The following RALGPS1 variants were observed in gnomAD, a reference collection of about 807,000 sequenced individuals.
The protein encoded by RALGPS1 is ras-specific guanine nucleotide-releasing factor RalGPS1.
A neutral mutation model predicts 78.8 loss-of-function variants in RALGPS1; 19 were observed. That is an observed-to-expected ratio of 0.24 (90% CI 0.17 to 0.35). The LOEUF (loss-of-function observed/expected upper bound fraction) is 0.35, where lower values mean the gene tolerates loss of function less well. RALGPS1 is among the 10% of genes least tolerant of loss of function. RALGPS1 has a pLI of 1.00. For missense variants in RALGPS1, 454 were observed against 688.3 expected (o/e 0.66, Z 3.81); for synonymous variants, 228 against 256.3 (o/e 0.89, Z 1.06).
chr9:127,134,303 C>T (rs928962854), intron 8 of RALGPS1, among the ~76,000 whole-genome samples: 1 of 152,148 alleles, frequency 6.6e-6, no homozygotes. Context: ...AGGACATCAC[C>T]CATTCCACAA....
intron 8 of RALGPS1, among the ~76,000 whole-genome samples, chr9:127,120,712 C>T (rs886994791): frequency 9.2e-5 from 14 of 151,964 alleles, no homozygotes; most frequent in African/African-American, 3.4e-4. Context: ...CCTGTAGCCC[C>T]AGCTACTCGG....
intron 8 of RALGPS1, among the ~76,000 whole-genome samples, chr9:127,080,195 T>C (rs2051047687): frequency 6.6e-6 from 1 of 152,334 alleles, no homozygotes; most frequent in Middle Eastern, 3.4e-3. Context: ...TTAGGAAGCC[T>C]GTTGTTCCCT....
At chr9:126,926,131 G>A (rs1392068668) in intron 1 of RALGPS1, among the ~76,000 whole-genome samples, 1 of 152,166 alleles carries the variant, frequency 6.6e-6, no homozygotes, top group African/African-American at 2.4e-5. Flanking sequence ...ATAGCAGTTG[G>A]CCTTATTTTT....
chr9:127,183,788 G>A lies in RALGPS1; in HGVS notation c.910+9006G>A. On this transcript the variant is annotated intron_variant, in intron 11 of 18. Coordinates refer to ENST00000259351, the MANE Select transcript of RALGPS1 (RefSeq NM_014636.3). The surrounding 1 kb of genome is among the most constrained non-coding windows in gnomAD (Gnocchi z 4.0). ...TTTTCGGAATGGATGGGTGGGAGGG[G>A]CCCTCCATGAGGACCTCAGGGATAG... is the stretch of plus-strand genomic sequence containing the variant. 8.0e-7 allele frequency: 1 copy of A among 1,248,648 alleles called. No individual in the cohort carries two copies. The highest frequency in any genetic ancestry group is 2.6e-5 in the East Asian group (1 of 39,206). The allele number at this position is 1,248,648 out of a possible 1,614,324, so 77.3% of individuals were successfully genotyped here. A position where few individuals can be genotyped will look rare whatever the true frequency, so the allele number is the denominator to read the frequency against.
At chr9:126,927,374 A>G (rs1026791031) in intron 1 of RALGPS1, among the ~76,000 whole-genome samples, 4 of 152,134 alleles carry the variant, frequency 2.6e-5, no homozygotes, top group Admixed American at 2.0e-4. Flanking sequence ...AGGAAGAAAG[A>G]CAGGAAGAAC....
At chr9:127,204,866 G>C (rs1428927697) in intron 14 of RALGPS1, among the ~76,000 whole-genome samples, 1 of 152,218 alleles carries the variant, frequency 6.6e-6, no homozygotes, top group African/African-American at 2.4e-5. Flanking sequence ...GAGAAGATCA[G>C]AGGACCCTGG....
intron 5 of RALGPS1, among the ~76,000 whole-genome samples, chr9:127,042,101 CTTG>C (rs1040367054): frequency 7.9e-5 from 12 of 152,080 alleles, no homozygotes; most frequent in African/African-American, 2.4e-4. Context: ...CTGGATTTTT[CTTG>C]TTGTTTTTCT....
intron 4 of RALGPS1, among the ~76,000 whole-genome samples, chr9:127,009,875 C>A (rs2044189033): frequency 6.6e-6 from 1 of 152,192 alleles, no homozygotes; most frequent in Non-Finnish European, 1.5e-5. Context: ...TAACTGCTAA[C>A]TTCCCTGGAG....
At chr9:127,073,774 A>G (rs1286686614) in intron 8 of RALGPS1, among the ~76,000 whole-genome samples, 1 of 152,090 alleles carries the variant, frequency 6.6e-6, no homozygotes, top group Non-Finnish European at 1.5e-5. Context: ...TGTCTTTTTA[A>G]TAATAACCAT....
rs1360258503 is a variant in RALGPS1 at position 126,962,355 on chromosome 9, G to A, written c.57+9G>A. The stretch of plus-strand genomic sequence containing the variant: ...CCTCTGCCACTCCACAGGTACTGAG[G>A]CTGCAAGAATCGGGACAGTGGGTAG... On this transcript the variant is annotated intron_variant, in intron 2 of 18. Coordinates refer to ENST00000259351, the MANE Select transcript of RALGPS1 (RefSeq NM_014636.3). 1.1e-5 allele frequency: 17 copies of A among 1,613,886 alleles called. 1 individual carries two copies. The highest frequency in any genetic ancestry group is 1.4e-5 in the Non-Finnish European group (17 of 1,179,918).
chr9:127,165,965 T>C, intron 8 of RALGPS1, 104 bp from the exon 9 acceptor site: 1 of 1,414,664 alleles, frequency 7.1e-7, no homozygotes, highest in Non-Finnish European at 9.2e-7. Context: ...CAGTTTTCCA[T>C]AAGTCACCCT....
intron 8 of RALGPS1, among the ~76,000 whole-genome samples, chr9:127,130,696 G>C (rs1728469398): frequency 6.6e-6 from 1 of 152,186 alleles, no homozygotes; most frequent in African/African-American, 2.4e-5. Flanking sequence ...ATTGATCCTT[G>C]CAACAACCTT....
intron 8 of RALGPS1, among the ~76,000 whole-genome samples, chr9:127,081,229 AT>A (rs75315707): frequency 1.3e-5 from 2 of 151,718 alleles, no homozygotes; most frequent in African/African-American, 2.4e-5. Context: ...ACAAAATGGC[AT>A]TTTTTTTTAA....
intron 5 of RALGPS1, 53 bp downstream of exon 5, chr9:127,034,567 C>T: frequency 1.3e-6 from 2 of 1,526,282 alleles, no homozygotes; most frequent in Non-Finnish European, 1.8e-6. Context: ...GCTGCTGTCC[C>T]CTGTAGGCTG....
In RALGPS1 at chr9:126,932,454, C is replaced by T. The variant is rs74540391; in HGVS notation, c.-66+17479C>T. The stretch of plus-strand genomic sequence containing the variant: ...GTGTACCAGAAGGCATGCTCAGTCA[C>T]GCTTCTAGCAGCTCCATCTGTAATA... On this transcript the variant is annotated intron_variant, in intron 1 of 18. Transcript: ENST00000259351. Among the ~76,000 whole-genome samples, 50 of 152,270 alleles carry T rather than the reference C, an allele frequency of 3.3e-4. No individual in the cohort carries two copies. The East Asian group carries it at 6.2e-3, about 19-fold the overall frequency.
rs539240094 is a variant in RALGPS1 at position 126,935,636 on chromosome 9, A to G, written c.-66+20661A>G. Among the ~76,000 whole-genome samples the G allele has an allele frequency of 3.4e-4, 51 of 152,132 alleles. 1 individual carries two copies. The South Asian group carries it at 9.7e-3, about 29-fold the overall frequency. ...TAACAACACTATAAGTAACTCATAT[A>G]GTACTTAGAAGAAGCACGTTTCCAA... On this transcript the variant is annotated intron_variant, in intron 1 of 18. Transcript: ENST00000259351.
At chr9:127,070,412 C>T (rs1263864015) in intron 8 of RALGPS1, among the ~76,000 whole-genome samples, 2 of 152,202 alleles carry the variant, frequency 1.3e-5, no homozygotes, top group South Asian at 2.1e-4. Context: ...ATGATTATTA[C>T]CTTGTGATAA....
chr9:127,150,593 A>G (rs1014683847), intron 8 of RALGPS1, among the ~76,000 whole-genome samples: 2 of 152,180 alleles, frequency 1.3e-5, no homozygotes, highest in Non-Finnish European at 2.9e-5. Context: ...TGCTTCCTGC[A>G]TTTGAGATGC....
Position 126,977,683 on chromosome 9 carries a change from CTT to C in RALGPS1, c.166-9_166-8del, listed in dbSNP as rs781772350. The C allele has an allele frequency of 1.9e-6, 3 of 1,577,676 alleles. No individual in the cohort carries two copies. In the South Asian group the frequency reaches 3.4e-5, roughly 18 times the overall value. On this transcript the variant is annotated splice_polypyrimidine_tract_variant and intron_variant, in intron 3 of 18. Transcript: ENST00000259351. Reference sequence around the variant, plus strand: ...TACAGTATTTTCTAAAATTGATTCTCTTTTGTTGCAGAGCCAGATTACATTAA... The same window carrying C: ...TACAGTATTTTCTAAAATTGATTCTCTTGTTGCAGAGCCAGATTACATTAA...
Sources: allele counts gnomAD v4.1 joint callset (sites outside exome capture counted in the v4.1 genomes callset), GRCh38; gene constraint gnomAD v4.1.1; non-coding constraint Gnocchi (gnomAD v3.1); transcripts MANE v1.5; gene names NCBI Gene and HGNC (gene_info 2026-07-23, HGNC 2026-07-21).